The following MS4A4E variants were observed in gnomAD, a reference collection of about 807,000 sequenced individuals.
The protein encoded by MS4A4E is putative membrane-spanning 4-domains subfamily A member 4E.
In MS4A4E, 23 loss-of-function variants were observed where a neutral mutation model predicts 13.3. That is an observed-to-expected ratio of 1.73 (90% confidence interval 1.25 to 2.45). The LOEUF (loss-of-function observed/expected upper bound fraction) is 2.45. Among genes scored for constraint, MS4A4E ranks in the 30% most tolerant of loss-of-function variants. The pLI is 0.00. For synonymous variants in MS4A4E, 36 were observed against 45.6 expected (o/e 0.79, Z 0.85); for missense variants, 144 against 131.2 (o/e 1.10, Z -0.48).
At position 60,230,045 on chromosome 11, in the gene MS4A4E, A is replaced by T. The variant is rs138270146; in HGVS notation, c.11T>A (p.Met4Lys). The change falls in exon 2 of 9, where the codon ATG becomes AAG. Residue 4 changes from methionine (M) to lysine (K), a missense_variant. Physicochemically the swap from Met to Lys is moderately conservative, Grantham distance 95. Transcript: ENST00000651255. ...TGGAGTGGTCTGTTCCATTCCTTGC[A>T]TGGTTGTCATGGCAGCAGAAAAGGT... MTT[M>K]QGMEQTTPGA... 6.4e-4 allele frequency: 1,011 copies of T among 1,589,356 alleles called. 3 individuals carry two copies. Among genetic ancestry groups the T allele is most frequent in the Middle Eastern group, 2.2e-3 (13 of 5,996 alleles).
At chr11:60,224,413 A>G (rs2084315823) in intron 3 of MS4A4E, among the ~76,000 whole-genome samples, 3 of 152,186 alleles carry the variant, frequency 2.0e-5, no homozygotes, top group Admixed American at 2.0e-4. Flanking sequence ...TGCTAACTAA[A>G]CCATCATTTT....
Position 60,201,576 on chromosome 11 carries a change from C to T in MS4A4E, c.963G>A (p.Val321=), listed in dbSNP as rs1230300291. The change falls in exon 9 of 9, where the codon GTG becomes GTA. Residue 321 remains valine, a synonymous_variant. Transcript: ENST00000651255. ...PLPGHHPIWE[V]RSVSARPPIF is the part of the protein sequence containing the mutation. ...TGGGCGGCCGGGCGGAGACACTCCT[C>T]ACCTCCCAGATGGGATGGTGGCCGG... The T allele has an allele frequency of 9.2e-6, 3 of 326,746 alleles. No homozygotes were observed. The highest frequency in any genetic ancestry group is 9.7e-4 in the Middle Eastern group (1 of 1,032). 20.2% of individuals were successfully genotyped at this position (326,746 alleles called of 1,614,324 possible).
chr11:60,242,043 C>T (rs541869413), intron 1 of MS4A4E, among the ~76,000 whole-genome samples: 2 of 152,254 alleles, frequency 1.3e-5, no homozygotes, highest in Admixed American at 6.5e-5. Context: ...GTGGTATACA[C>T]GGTCATCCCC....
intron 6 of MS4A4E, among the ~76,000 whole-genome samples, chr11:60,206,475 A>ATATATGTATATATG: frequency 1.6e-4 from 1 of 6,212 alleles, no homozygotes; most frequent in East Asian, 3.8e-3. Context: ...ACACACACAC[A>ATATATGTATATATG]TATATATATA....
At chr11:60,203,610 G>A (rs1028003399) in intron 8 of MS4A4E, among the ~76,000 whole-genome samples, 13 of 152,138 alleles carry the variant, frequency 8.5e-5, no homozygotes, top group Non-Finnish European at 1.8e-4. Context: ...TAAGCCAGGT[G>A]TGGTGGTGTA....
intron 5 of MS4A4E, among the ~76,000 whole-genome samples, chr11:60,212,615 G>A (rs1410751940): frequency 6.6e-6 from 1 of 152,166 alleles, no homozygotes; most frequent in Non-Finnish European, 1.5e-5. Context: ...GGCTGGGACT[G>A]ACTTTTTGAC....
At chr11:60,212,447 C>T (rs546886549) in intron 5 of MS4A4E, among the ~76,000 whole-genome samples, 1 of 151,952 alleles carries the variant, frequency 6.6e-6, no homozygotes, top group South Asian at 2.1e-4. Flanking sequence ...GTAGCTGGAA[C>T]TACAGGTGCC....
Position 60,229,981 on chromosome 11 carries a change from A to G in MS4A4E, c.75T>C (p.Asp25=). The change falls in exon 2 of 9, where the codon GAT becomes GAC. Residue 25 remains aspartate, a synonymous_variant. Transcript: ENST00000651255. ...CTTTACACAGATATGAATGTATGAC[A>G]TCTATGTTTCCCAGCTGGGGCACAT... The part of the protein sequence containing the change: ...GPDVPQLGNI[D]VIHSYLCKGL... 1 of 1,613,824 alleles carries G rather than the reference A, an allele frequency of 6.2e-7. No individual in the cohort carries two copies. The highest frequency in any genetic ancestry group is 8.5e-7 in the Non-Finnish European group (1 of 1,179,862).
Position 60,201,000 on chromosome 11 carries a change from G to A in MS4A4E, c.*543C>T, listed in dbSNP as rs562567403. ...CCCCCACCTCCCTCCCGGACGGGGC[G>A]GCTGGCCGGGCAGAGGGCTGACCCC... On this transcript the variant is annotated 3_prime_UTR_variant, in exon 9 of 9. Coordinates refer to ENST00000651255, the MANE Select transcript of MS4A4E (RefSeq NM_001393391.1). Among the ~76,000 whole-genome samples, 26 of 147,368 alleles carry A rather than the reference G, an allele frequency of 1.8e-4. No individual in the cohort carries two copies. Among genetic ancestry groups the A allele is most frequent in the Admixed American group, 4.0e-4 (6 of 15,078 alleles).
At chr11:60,227,649 A>G (rs1464752144) in intron 3 of MS4A4E, among the ~76,000 whole-genome samples, 2 of 152,146 alleles carry the variant, frequency 1.3e-5, no homozygotes, top group Non-Finnish European at 2.9e-5. Flanking sequence ...AACAAAAACA[A>G]TCTTGAAGAA....
At chr11:60,228,400 C>T (rs1011801796) in intron 3 of MS4A4E, among the ~76,000 whole-genome samples, 194 bp downstream of exon 3, 25 of 152,118 alleles carry the variant, frequency 1.6e-4, no homozygotes, top group African/African-American at 5.8e-4. Flanking sequence ...TGAGATTGGA[C>T]TACACACCTA....
chr11:60,227,203 C>G (rs1295587030), intron 3 of MS4A4E, among the ~76,000 whole-genome samples: 1 of 152,098 alleles, frequency 6.6e-6, no homozygotes, highest in Non-Finnish European at 1.5e-5. Context: ...TCAACATTGT[C>G]AAGACATCAG....
chr11:60,209,216 C>A (rs1345155913), intron 5 of MS4A4E: 3 of 152,172 alleles, frequency 2.0e-5, no homozygotes, highest in Non-Finnish European at 2.9e-5. Flanking sequence ...TGCTTATTAG[C>A]TGGAATGAGA....
chr11:60,203,566 T>C (rs1237262902), intron 8 of MS4A4E, among the ~76,000 whole-genome samples: 2 of 152,086 alleles, frequency 1.3e-5, no homozygotes, highest in African/African-American at 4.8e-5. Context: ...CTGAGCAACA[T>C]GGCGAAACCT....
Position 60,219,640 on chromosome 11 carries a change from T to C in MS4A4E, c.179-5026A>G, listed in dbSNP as rs986952685. Among the ~76,000 whole-genome samples the C allele has an allele frequency of 1.4e-4, 22 of 152,198 alleles. 1 individual carries two copies. The highest frequency in any genetic ancestry group is 7.2e-4 in the Admixed American group (11 of 15,276). Reference sequence around the variant, plus strand: ...CTTGAATGAAAAGGAGGCCAGGTCCTCTTAAAGAAGGATCCCACTATACTA... The same window carrying C: ...CTTGAATGAAAAGGAGGCCAGGTCCCCTTAAAGAAGGATCCCACTATACTA... On this transcript the variant is annotated intron_variant, in intron 3 of 8. Coordinates refer to ENST00000651255, the MANE Select transcript of MS4A4E (RefSeq NM_001393391.1).
Position 60,201,360 on chromosome 11 carries a change from G to T in MS4A4E, c.*183C>A. 1 of 181,166 alleles carries T rather than the reference G, an allele frequency of 5.5e-6. No individual in the cohort carries two copies. Among genetic ancestry groups the T allele is most frequent in the Non-Finnish European group, 1.1e-5 (1 of 87,114 alleles). 11.2% of individuals were successfully genotyped at this position (181,166 alleles called of 1,614,324 possible). A position where few individuals can be genotyped will look rare whatever the true frequency, so the allele number is the denominator to read the frequency against. On this transcript the variant is annotated 3_prime_UTR_variant, in exon 9 of 9. Transcript: ENST00000651255. ...ACGCTCCTCACTTCCCAGACGGGGT[G>T]GCTGCCGGGCGGAGGGGCTCCTCAC...
chr11:60,204,299 C>T (rs780778876), intron 8 of MS4A4E, among the ~76,000 whole-genome samples: 4 of 152,128 alleles, frequency 2.6e-5, no homozygotes, highest in Non-Finnish European at 5.9e-5. Context: ...ATATTTAAAA[C>T]GTCAGGGATT....
chr11:60,213,759 T>A (rs1227061126), intron 4 of MS4A4E, among the ~76,000 whole-genome samples: 1 of 152,212 alleles, frequency 6.6e-6, no homozygotes, highest in Non-Finnish European at 1.5e-5. Flanking sequence ...CTTGTTGAGA[T>A]CTTGGCTTTT....
At chr11:60,236,727 A>C (rs1358519872) in intron 1 of MS4A4E, among the ~76,000 whole-genome samples, 1 of 148,982 alleles carries the variant, frequency 6.7e-6, no homozygotes, top group South Asian at 2.1e-4. Flanking sequence ...TTATTTTATC[A>C]TCCAGGTTTT....
Sources: gnomAD v4.1 joint callset for allele counts (sites outside exome capture counted in the v4.1 genomes callset) on GRCh38, gnomAD v4.1.1 for gene constraint, MANE v1.5 for transcripts, NCBI Gene and HGNC (gene_info 2026-07-23, HGNC 2026-07-21) for gene names.